Variants in FANCL observed in about 807,000 individuals in gnomAD.
FANCL encodes the protein E3 ubiquitin-protein ligase FANCL.
A neutral mutation model predicts 59.4 loss-of-function variants in FANCL; 69 were observed. The ratio of observed to expected loss-of-function variants is 1.16; its 90% CI spans 0.96 to 1.42. The LOEUF (loss-of-function observed/expected upper bound fraction) is 1.42, where lower values mean the gene tolerates loss of function less well. Among genes scored for constraint, FANCL ranks in the 40% most tolerant of loss-of-function variants. The pLI, the probability that FANCL is intolerant of heterozygous loss-of-function variation, is 0.00. For missense variants in FANCL, 519 were observed against 447.2 expected, an observed-to-expected ratio of 1.16 and a Z score of -1.45; for synonymous variants, 180 against 147.1, an observed-to-expected ratio of 1.22 and a Z score of -1.62.
intron 7 of FANCL, among the ~76,000 whole-genome samples, chr2:58,197,471 T>C (rs1290079949): frequency 1.3e-5 from 2 of 152,164 alleles, no homozygotes; most frequent in East Asian, 1.9e-4. Context: ...TGCTATCAAC[T>C]GCCACAATTT....
In FANCL at chr2:58,229,886, A is replaced by G. The variant is rs771136568; in HGVS notation, c.156-12T>C. The G allele has an allele frequency of 2.5e-6, 4 of 1,582,926 alleles. No individual in the cohort carries two copies. Among genetic ancestry groups the G allele is most frequent in the Admixed American group, 3.3e-5 (2 of 59,946 alleles). ...AACTACATAATAATCTAAAATTTTAATGAGACAAAATGGTTTATTCATTGT... is the reference window on the plus strand; with the variant it reads ...AACTACATAATAATCTAAAATTTTAGTGAGACAAAATGGTTTATTCATTGT... On this transcript the variant is annotated splice_polypyrimidine_tract_variant and intron_variant, in intron 2 of 13. Coordinates refer to ENST00000233741, the MANE Select transcript of FANCL (RefSeq NM_018062.4).
chr2:58,214,663 A>AATTT (rs926717369), intron 5 of FANCL, among the ~76,000 whole-genome samples: 6 of 151,300 alleles, frequency 4.0e-5, no homozygotes, highest in South Asian at 4.2e-4. Context: ...CACCACACCT[A>AATTT]ATTTATTTAT....
Position 58,197,753 on chromosome 2 carries a change from G to C in FANCL, c.540+841C>G, listed in dbSNP as rs919673719. On this transcript the variant is annotated intron_variant, in intron 7 of 13. Coordinates refer to ENST00000233741, the MANE Select transcript of FANCL (RefSeq NM_018062.4). ...AAGAATATAATCAAAGTTTAAAGAT[G>C]AACTAAGGACAAATACTTTAAAACA... 5.9e-5 allele frequency among the ~76,000 whole-genome samples: 9 copies of C among 152,224 alleles called. No individual in the cohort carries two copies. The South Asian group carries it at 1.9e-3, about 32-fold the overall frequency.
intron 5 of FANCL, among the ~76,000 whole-genome samples, chr2:58,206,952 G>A (rs1405587564): frequency 6.6e-6 from 1 of 152,120 alleles, no homozygotes; most frequent in Non-Finnish European, 1.5e-5. Context: ...TTGCCCTCTA[G>A]TATTTAACTT....
At chr2:58,207,650 T>C (rs1690726412) in intron 5 of FANCL, among the ~76,000 whole-genome samples, 1 of 152,178 alleles carries the variant, frequency 6.6e-6, no homozygotes, top group Admixed American at 6.5e-5. Context: ...TAGAGACTAT[T>C]TGTATCAATT....
chr2:58,169,227 GCTGTTCTGCAACCT>G (rs1291974374), intron 7 of FANCL, among the ~76,000 whole-genome samples: 1 of 152,210 alleles, frequency 6.6e-6, no homozygotes, highest in Non-Finnish European at 1.5e-5. Context: ...CAAAATCTTT[GCTGTTCTGCAACCT>G]CCACTGGTGA....
chr2:58,172,431 A>C (rs1018455584), intron 7 of FANCL, among the ~76,000 whole-genome samples: 1 of 152,186 alleles, frequency 6.6e-6, no homozygotes. Context: ...AGACAGCAGC[A>C]TTCGTGGTTC....
intron 11 of FANCL, 51 bp from the exon 12 acceptor site, chr2:58,161,689 C>T (rs1685197744): frequency 1.7e-6 from 2 of 1,206,006 alleles, no homozygotes; most frequent in South Asian, 2.5e-5. Flanking sequence ...CTAACTTATT[C>T]GTTGTACATA....
chr2:58,203,108 T>G (rs1188727020), intron 6 of FANCL, among the ~76,000 whole-genome samples: 3 of 151,750 alleles, frequency 2.0e-5, no homozygotes, highest in Non-Finnish European at 3.0e-5. Flanking sequence ...CTAACTTATT[T>G]TACAAATAAT....
rs145613714 is a variant in FANCL, at chr2:58,165,964, T to C, written c.541-90A>G. 1.3e-5 allele frequency: 17 copies of C among 1,345,032 alleles called. No individual in the cohort carries two copies. The African/African-American group carries it at 1.3e-4, about 10-fold the overall frequency. 83.3% of individuals were successfully genotyped at this position (1,345,032 alleles called of 1,614,324 possible). ...TTAAAATACACTCAATTTAGAAATT[T>C]TAAGCTGTTTCATTTTAGCTACAAA... On this transcript the variant is annotated intron_variant, in intron 7 of 13. Coordinates refer to ENST00000233741, the MANE Select transcript of FANCL (RefSeq NM_018062.4).
intron 3 of FANCL, 129 bp downstream of exon 3, chr2:58,229,685 A>C: frequency 1.4e-6 from 1 of 719,440 alleles, no homozygotes; most frequent in Non-Finnish European, 2.4e-6. Flanking sequence ...CACAGAGATG[A>C]AACCTACAAA....
chr2:58,169,881 C>A (rs1686378359), intron 7 of FANCL, among the ~76,000 whole-genome samples: 2 of 152,090 alleles, frequency 1.3e-5, no homozygotes, highest in South Asian at 4.1e-4. Flanking sequence ...ATGAACAAAG[C>A]CTCCAAGAAA....
In FANCL at chr2:58,188,612, T is replaced by G. The variant is rs550742498; in HGVS notation, c.540+9982A>C. Among the ~76,000 whole-genome samples, 7 of 152,034 alleles carry G rather than the reference T, an allele frequency of 4.6e-5. No homozygotes were observed. The East Asian group carries it at 1.4e-3, about 29-fold the overall frequency. ...GTTGCCCCCACACCCAGCTGATTTT[T>G]GTATTTTTTGTAGAGACGAGGTTTC... On this transcript the variant is annotated intron_variant, in intron 7 of 13. Transcript: ENST00000233741.
At chr2:58,166,104 A>G (rs1377117853) in intron 7 of FANCL, among the ~76,000 whole-genome samples, 1 of 151,998 alleles carries the variant, frequency 6.6e-6, no homozygotes, top group Non-Finnish European at 1.5e-5. Flanking sequence ...ATGGTTTTTT[A>G]AAAATCATAA....
At chr2:58,224,712 G>A (rs940650166) in intron 4 of FANCL, among the ~76,000 whole-genome samples, 1 of 151,542 alleles carries the variant, frequency 6.6e-6, no homozygotes, top group Non-Finnish European at 1.5e-5. Flanking sequence ...CACATAGACA[G>A]GAAAAGCATA....
chr2:58,201,484 G>A (rs1690020575), intron 6 of FANCL, among the ~76,000 whole-genome samples: 1 of 151,822 alleles, frequency 6.6e-6, no homozygotes, highest in Non-Finnish European at 1.5e-5. Flanking sequence ...TCTGTTCTGT[G>A]ACTAGACTAC....
chr2:58,186,595 G>C (rs1401594896), intron 7 of FANCL, among the ~76,000 whole-genome samples: 1 of 152,224 alleles, frequency 6.6e-6, no homozygotes, highest in Non-Finnish European at 1.5e-5. Flanking sequence ...CCAAGAACCA[G>C]AATGCAAGAG....
intron 5 of FANCL, among the ~76,000 whole-genome samples, chr2:58,206,826 A>G (rs997189260): frequency 1.3e-5 from 2 of 152,230 alleles, no homozygotes; most frequent in Non-Finnish European, 2.9e-5. Flanking sequence ...CAGCATGGCC[A>G]TTTAAAATCA....
At chr2:58,194,446 A>G (rs1227871352) in intron 7 of FANCL, among the ~76,000 whole-genome samples, 1 of 152,202 alleles carries the variant, frequency 6.6e-6, no homozygotes, top group Non-Finnish European at 1.5e-5. Context: ...AAGTAGAATA[A>G]AATTATGAGA....
Sources: gnomAD v4.1 joint callset for allele counts (sites outside exome capture counted in the v4.1 genomes callset) on GRCh38, gnomAD v4.1.1 for gene constraint, MANE v1.5 for transcripts, NCBI Gene and HGNC (gene_info 2026-07-23, HGNC 2026-07-21) for gene names.